SAMTOR: variants seen among roughly 807,000 people sequenced by gnomAD.
The protein encoded by SAMTOR is S-adenosylmethionine sensor upstream of mTORC1.
chr7:112,908,342 C>G, the SAMTOR span, among the ~76,000 whole-genome samples: 1 of 152,126 alleles, frequency 6.6e-6, no homozygotes, highest in Admixed American at 6.6e-5. Flanking sequence ...AACTGGGACA[C>G]CAGCTTTTTC....
At chr7:112,893,531 G>C in the SAMTOR span, among the ~76,000 whole-genome samples, 5 of 152,142 alleles carry the variant, frequency 3.3e-5, no homozygotes, top group Admixed American at 6.6e-5. Context: ...GGAATGCTGT[G>C]GTTGGTTTCA....
At chr7:112,901,303 C>T in the SAMTOR span, among the ~76,000 whole-genome samples, 1 of 152,172 alleles carries the variant, frequency 6.6e-6, no homozygotes, top group African/African-American at 2.4e-5. Context: ...AGATCAGTGA[C>T]AGCACTAGAT....
chr7:112,892,886 C>T, the SAMTOR span, among the ~76,000 whole-genome samples: 1 of 152,162 alleles, frequency 6.6e-6, no homozygotes. Flanking sequence ...TCTCCTCGTA[C>T]ATATATATCA....
chr7:112,914,276 G>GTTTTTTTTT, the SAMTOR span, among the ~76,000 whole-genome samples: 1 of 131,004 alleles, frequency 7.6e-6, no homozygotes, highest in African/African-American at 2.9e-5. Context: ...TTAGCCTCTA[G>GTTTTTTTTT]TTTTTTTTTT....
chr7:112,878,499 T>C, the SAMTOR span, among the ~76,000 whole-genome samples: 2 of 152,166 alleles, frequency 1.3e-5, no homozygotes, highest in Non-Finnish European at 1.5e-5. Flanking sequence ...TAGAGAAGTA[T>C]GCACCCTGTT....
chr7:112,871,707 A>T, the SAMTOR span, among the ~76,000 whole-genome samples: 1 of 152,224 alleles, frequency 6.6e-6, no homozygotes, highest in Non-Finnish European at 1.5e-5. Flanking sequence ...CATACAAATG[A>T]TCAATGTTAA....
the SAMTOR span, among the ~76,000 whole-genome samples, chr7:112,901,535 G>T: frequency 6.6e-6 from 1 of 152,122 alleles, no homozygotes; most frequent in Non-Finnish European, 1.5e-5. Context: ...ACTAATAATA[G>T]AAATAAAGTG....
the SAMTOR span, among the ~76,000 whole-genome samples, chr7:112,862,214 C>T: frequency 2.3e-3 from 350 of 152,290 alleles, 1 homozygote; most frequent in African/African-American, 8.2e-3. Flanking sequence ...AGGATCACGC[C>T]ACTGCACTCC....
chr7:112,890,815 C>T, the SAMTOR span, among the ~76,000 whole-genome samples: 4 of 151,796 alleles, frequency 2.6e-5, no homozygotes, highest in African/African-American at 9.7e-5. Context: ...TTTAGCCTCC[C>T]GAGTAGCTAG....
At chr7:112,935,127 T>C in the SAMTOR span, 1 of 354,180 alleles carries the variant, frequency 2.8e-6, no homozygotes, top group Non-Finnish European at 5.5e-6. Flanking sequence ...CAAAAAGCTT[T>C]CTGATTCTAT....
chr7:112,833,400 ATT>A, the SAMTOR span, among the ~76,000 whole-genome samples: 1 of 152,344 alleles, frequency 6.6e-6, no homozygotes, highest in South Asian at 2.1e-4. Flanking sequence ...TAATAGTGGT[ATT>A]TACCCTTAGA....
chr7:112,847,778 C>CAAAAAAAAAAA, the SAMTOR span, among the ~76,000 whole-genome samples: 1 of 151,372 alleles, frequency 6.6e-6, no homozygotes, highest in African/African-American at 2.5e-5. Context: ...AACTCTGTCT[C>CAAAAAAAAAAA]AAAAGAAAAG....
At chr7:112,885,538 A>T in the SAMTOR span, among the ~76,000 whole-genome samples, 8 of 152,266 alleles carry the variant, frequency 5.3e-5, no homozygotes, top group Middle Eastern at 3.4e-3. Flanking sequence ...GTCTCTTTGC[A>T]TAGGATGAGT....
chr7:112,899,477 T>C, the SAMTOR span, among the ~76,000 whole-genome samples: 1 of 151,992 alleles, frequency 6.6e-6, no homozygotes, highest in Non-Finnish European at 1.5e-5. Context: ...TTATTGGCCT[T>C]AAAGAGGAAG....
At chr7:112,865,588 CAT>C in the SAMTOR span, among the ~76,000 whole-genome samples, 2 of 146,230 alleles carry the variant, frequency 1.4e-5, no homozygotes, top group African/African-American at 2.5e-5. Context: ...CCGTCTCATT[CAT>C]ATATATATAT....
At chr7:112,925,530 T>C in the SAMTOR span, among the ~76,000 whole-genome samples, 1 of 152,154 alleles carries the variant, frequency 6.6e-6, no homozygotes, top group Non-Finnish European at 1.5e-5. Flanking sequence ...GTGGTAGCTC[T>C]TGCCTGTAAT....
At chr7:112,905,894 G>A in the SAMTOR span, among the ~76,000 whole-genome samples, 1 of 152,082 alleles carries the variant, frequency 6.6e-6, no homozygotes, top group South Asian at 2.1e-4. Context: ...AAGAGAAAAA[G>A]ATTTAGTCAA....
the SAMTOR span, among the ~76,000 whole-genome samples, chr7:112,902,781 G>A: frequency 6.6e-6 from 1 of 152,022 alleles, no homozygotes; most frequent in Non-Finnish European, 1.5e-5. Flanking sequence ...ATTTTATTGT[G>A]GGTTTCTGGT....
chr7:112,876,476 T>A, the SAMTOR span, among the ~76,000 whole-genome samples: 1 of 152,278 alleles, frequency 6.6e-6, no homozygotes, highest in South Asian at 2.1e-4. Flanking sequence ...CAATATATCT[T>A]CTACTCTGTG....
Sources: allele counts gnomAD v4.1 joint callset (sites outside exome capture counted in the v4.1 genomes callset), GRCh38; gene constraint gnomAD v4.1.1; transcripts MANE v1.5; gene names NCBI Gene and HGNC (gene_info 2026-07-23, HGNC 2026-07-21).